The following LRRC7 variants were observed in gnomAD, a reference collection of about 807,000 sequenced individuals.
The protein encoded by LRRC7 is leucine rich repeat containing 7, also known as leucine-rich repeat-containing protein 7.
LRRC7 carries 23 observed loss-of-function variants against 175.7 expected under a neutral mutation model. The observed-to-expected ratio is 0.13, with a 90% CI of 0.09 to 0.19. The LOEUF is 0.19. LRRC7 is among the 10% of genes least tolerant of loss of function. LRRC7 has a pLI of 1.00. For missense variants in LRRC7, 1,354 were observed against 1,904.7 expected, an observed-to-expected ratio of 0.71 and a Z score of 5.38; for synonymous variants, 685 against 680.9, an observed-to-expected ratio of 1.01 and a Z score of -0.09.
intron 1 of LRRC7, among the ~76,000 whole-genome samples, chr1:69,579,011 T>A (rs1358580546): frequency 2.0e-5 from 3 of 152,130 alleles, no homozygotes; most frequent in Non-Finnish European, 2.9e-5. Flanking sequence ...GTAATATGGA[T>A]GAATACTTCC....
chr1:69,608,820 C>T (rs1019569745), intron 1 of LRRC7, among the ~76,000 whole-genome samples: 1 of 66,720 alleles, frequency 1.5e-5, no homozygotes, highest in Non-Finnish European at 2.8e-5. Context: ...CTGTCTCTCT[C>T]TCTCTCTCTC....
At chr1:69,985,399 C>T (rs530909898) in intron 9 of LRRC7, among the ~76,000 whole-genome samples, 21 of 152,276 alleles carry the variant, frequency 1.4e-4, no homozygotes, top group Admixed American at 9.8e-4. Flanking sequence ...ATCTACATGT[C>T]AATGTCATTG....
chr1:69,901,895 T>A (rs970223160), intron 7 of LRRC7, among the ~76,000 whole-genome samples: 4 of 152,152 alleles, frequency 2.6e-5, no homozygotes, highest in African/African-American at 9.7e-5. Context: ...AAGCCATCTG[T>A]AGATCAAGCC....
At chr1:69,634,321 T>C (rs1652985502) in intron 1 of LRRC7, among the ~76,000 whole-genome samples, 1 of 152,168 alleles carries the variant, frequency 6.6e-6, no homozygotes. Context: ...CTACAAGCTA[T>C]ATTGTCATCT....
intron 1 of LRRC7, among the ~76,000 whole-genome samples, chr1:69,670,958 G>A (rs772768465): frequency 5.3e-5 from 8 of 152,110 alleles, no homozygotes; most frequent in East Asian, 1.9e-4. Context: ...TGCAGGAGTC[G>A]AGGCCTGGAA....
chr1:69,768,399 T>A (rs778711415), intron 3 of LRRC7, among the ~76,000 whole-genome samples: 1 of 152,168 alleles, frequency 6.6e-6, no homozygotes, highest in East Asian at 1.9e-4. Flanking sequence ...CAAACATCAC[T>A]GGAGAAGCTT....
chr1:70,023,349 C>T lies in LRRC7; in HGVS notation c.1769C>T (p.Thr590Ile). ...TPLPVAAQST[T>I]LPSLSGRQVE... ...TTGCCAGTTGCAGCACAATCCACCACTCTTCCCTCTCTAAGTGGCAGACAG... is the reference window on the plus strand; with the variant it reads ...TTGCCAGTTGCAGCACAATCCACCATTCTTCCCTCTCTAAGTGGCAGACAG... The change falls in exon 17 of 27, where the codon ACT (threonine) becomes ATT (isoleucine). Residue 590 changes from threonine (T) to isoleucine (I), a missense_variant. By Grantham distance (89) the Thr-to-Ile change is moderately conservative. Coordinates refer to ENST00000651989, the MANE Select transcript of LRRC7 (RefSeq NM_001370785.2). 6.2e-7 allele frequency: 1 copy of T among 1,604,316 alleles called. No individual in the cohort carries two copies. The highest frequency in any genetic ancestry group is 8.5e-7 in the Non-Finnish European group (1 of 1,173,870).
chr1:69,819,423 AAGATACTT>A (rs1678971916), intron 4 of LRRC7, among the ~76,000 whole-genome samples: 1 of 152,090 alleles, frequency 6.6e-6, no homozygotes, highest in Non-Finnish European at 1.5e-5. Flanking sequence ...TGCTGTTGAA[AAGATACTT>A]GATATTATTT....
chr1:69,876,787 G>C (rs749477789), intron 7 of LRRC7, among the ~76,000 whole-genome samples: 99 of 152,120 alleles, frequency 6.5e-4, no homozygotes, highest in Non-Finnish European at 1.2e-3. Context: ...CAAGCACAAG[G>C]ATTAACACTA....
At chr1:70,037,213 G>T (rs1264164474) in intron 20 of LRRC7, among the ~76,000 whole-genome samples, 7 of 152,166 alleles carry the variant, frequency 4.6e-5, no homozygotes, top group Admixed American at 4.6e-4. Flanking sequence ...TTTGTAACTT[G>T]TTGCTATGTT....
intron 2 of LRRC7, among the ~76,000 whole-genome samples, chr1:69,736,547 T>C (rs1668134238): frequency 6.6e-6 from 1 of 152,120 alleles, no homozygotes; most frequent in Admixed American, 6.6e-5. Flanking sequence ...TGACTGTCTT[T>C]CCAAGGAACA....
At chr1:69,897,900 C>T (rs546525841) in intron 7 of LRRC7, among the ~76,000 whole-genome samples, 1 of 152,250 alleles carries the variant, frequency 6.6e-6, no homozygotes, top group Admixed American at 6.5e-5. Context: ...AAGAGAGTTT[C>T]TATATTACTT....
chr1:70,077,629 C>T (rs577745548), intron 24 of LRRC7, among the ~76,000 whole-genome samples: 10 of 152,202 alleles, frequency 6.6e-5, no homozygotes, highest in African/African-American at 7.2e-5. Flanking sequence ...TATCGGTTTT[C>T]GCCTACATTG....
intron 5 of LRRC7, among the ~76,000 whole-genome samples, chr1:69,829,925 A>G (rs1303606470): frequency 6.6e-6 from 1 of 151,758 alleles, no homozygotes; most frequent in Non-Finnish European, 1.5e-5. Context: ...CCTTTTCTCT[A>G]TTAGAAACTA....
chr1:70,057,001 G>GT (rs2102072274), intron 23 of LRRC7, among the ~76,000 whole-genome samples: 1 of 143,926 alleles, frequency 6.9e-6, no homozygotes, highest in African/African-American at 2.9e-5. Flanking sequence ...CTTAAATGTT[G>GT]GGGGGGGAAT....
At chr1:69,706,185 G>A (rs1664018373) in intron 2 of LRRC7, among the ~76,000 whole-genome samples, 1 of 152,106 alleles carries the variant, frequency 6.6e-6, no homozygotes, top group Non-Finnish European at 1.5e-5. Context: ...AAGTAGGTGT[G>A]TATTATTTCT....
At chr1:69,790,276 T>TGA (rs1368223125) in intron 3 of LRRC7, among the ~76,000 whole-genome samples, 1 of 152,036 alleles carries the variant, frequency 6.6e-6, no homozygotes. Flanking sequence ...CACTTCAATC[T>TGA]GATTCCACAT....
At chr1:69,816,741 T>C (rs1012119341) in intron 4 of LRRC7, among the ~76,000 whole-genome samples, 3 of 152,134 alleles carry the variant, frequency 2.0e-5, no homozygotes, top group African/African-American at 7.2e-5. Flanking sequence ...ATATATTAGA[T>C]CTCCAGAACT....
chr1:70,136,925 A>G lies in LRRC7; in HGVS notation c.*15038A>G, dbSNP rs552283494. Among the ~76,000 whole-genome samples the G allele has an allele frequency of 2.0e-4, 31 of 151,660 alleles. No homozygotes were observed. Among genetic ancestry groups the G allele is most frequent in the Non-Finnish European group, 4.3e-4 (29 of 67,858 alleles). On this transcript the variant is annotated 3_prime_UTR_variant, in exon 27 of 27. Coordinates refer to ENST00000651989, the MANE Select transcript of LRRC7 (RefSeq NM_001370785.2). ...TTTTTTGCAGAGACAGAGTCTTGCT[A>G]TGTTGCCCAGGCTGGTCTCGAACTC...
Sources: allele counts gnomAD v4.1 joint callset (sites outside exome capture counted in the v4.1 genomes callset), GRCh38; gene constraint gnomAD v4.1.1; transcripts MANE v1.5; gene names NCBI Gene and HGNC (gene_info 2026-07-23, HGNC 2026-07-21).